Variants in SUPT3H observed in about 807,000 individuals in gnomAD.
SUPT3H encodes transcription initiation protein SPT3 homolog.
A neutral mutation model predicts 44.3 loss-of-function variants in SUPT3H; 44 were observed. The observed-to-expected ratio is 0.99, with a 90% CI of 0.78 to 1.28. SUPT3H has a LOEUF of 1.28. Among genes scored for constraint, SUPT3H ranks in the 50% most tolerant of loss-of-function variants. The probability of loss-of-function intolerance (pLI) is 0.00; values close to 1 mark genes in which losing one functional copy is unlikely to be tolerated. For missense variants in SUPT3H, 380 were observed against 387.1 expected (o/e 0.98, Z 0.15); for synonymous variants, 124 against 125.6 (o/e 0.99, Z 0.09).
intron 3 of SUPT3H, among the ~76,000 whole-genome samples, chr6:45,028,322 A>G (rs149482859): frequency 0.019 from 2,947 of 152,220 alleles, 57 homozygotes; most frequent in South Asian, 0.086. Context: ...CCTTTTACCA[A>G]TCTTCCTGTT....
chr6:45,284,502 G>A (rs1270064879), intron 2 of SUPT3H, among the ~76,000 whole-genome samples: 1 of 152,144 alleles, frequency 6.6e-6, no homozygotes, highest in Non-Finnish European at 1.5e-5. Context: ...AGAAGAAATG[G>A]ATAAATTCCT....
intron 2 of SUPT3H, among the ~76,000 whole-genome samples, chr6:45,239,632 C>T (rs1425443613): frequency 6.6e-6 from 1 of 152,224 alleles, no homozygotes. Context: ...ACATGCCAAT[C>T]AGGAGAGTCT....
At chr6:44,852,973 C>T (rs1773124785) in intron 10 of SUPT3H, among the ~76,000 whole-genome samples, 1 of 148,894 alleles carries the variant, frequency 6.7e-6, no homozygotes, top group Non-Finnish European at 1.5e-5. Context: ...AGTTTTACAT[C>T]TATATCTTTA....
rs115634545 is a variant in SUPT3H, at chr6:44,852,702, C to G, written c.913-22845G>C. 6.5e-3 allele frequency among the ~76,000 whole-genome samples: 992 copies of G among 152,288 alleles called. 12 individuals carry two copies. Among genetic ancestry groups the G allele is most frequent in the African/African-American group, 0.023 (937 of 41,572 alleles). ...CATAGAAGAACAGCTATGGTAAATT[C>G]TCTATATTTTTAACCTTTAAGTGTT... On this transcript the variant is annotated intron_variant, in intron 10 of 10. Transcript: ENST00000371459.
chr6:44,829,953 A>T (rs976649150), intron 10 of SUPT3H, 96 bp from the exon 11 acceptor site: 7 of 1,094,740 alleles, frequency 6.4e-6, no homozygotes, highest in Admixed American at 1.7e-5. Context: ...TGTTTTGTAG[A>T]CTCTGCTGGC....
intron 2 of SUPT3H, among the ~76,000 whole-genome samples, chr6:45,260,020 T>C (rs1774092460): frequency 6.6e-6 from 1 of 152,192 alleles, no homozygotes; most frequent in South Asian, 2.1e-4. Context: ...AACTAATATG[T>C]TATTCCTAAC....
chr6:44,983,697 T>C (rs1287117134), intron 6 of SUPT3H, among the ~76,000 whole-genome samples: 10 of 152,172 alleles, frequency 6.6e-5, no homozygotes, highest in African/African-American at 2.2e-4. Flanking sequence ...GAAACTAATA[T>C]AGTATTTAAA....
At chr6:45,355,454 T>C (rs1792980893) in intron 2 of SUPT3H, among the ~76,000 whole-genome samples, 1 of 152,116 alleles carries the variant, frequency 6.6e-6, no homozygotes, top group African/African-American at 2.4e-5. Context: ...CCAGGGTTTT[T>C]CATTGGGGGT....
At chr6:45,240,638 C>T (rs976328532) in intron 2 of SUPT3H, among the ~76,000 whole-genome samples, 4 of 152,216 alleles carry the variant, frequency 2.6e-5, no homozygotes, top group Non-Finnish European at 5.9e-5. Flanking sequence ...ATTGATTGGT[C>T]CCCTAAGGGG....
rs530537399 is a variant in SUPT3H at position 45,140,585 on chromosome 6, A to C, written c.102-34579T>G. Among the ~76,000 whole-genome samples, 86 of 152,316 alleles carry C rather than the reference A, an allele frequency of 5.6e-4. No homozygotes were observed. The South Asian group carries it at 0.017, about 30-fold the overall frequency. On this transcript the variant is annotated intron_variant, in intron 2 of 10. Transcript: ENST00000371459. The stretch of plus-strand genomic sequence containing the variant: ...ACAGAACAACTTCATTGCTAGCATA[A>C]TCAGCATTCAAAAAAGCCAGTGCAC...
intron 2 of SUPT3H, among the ~76,000 whole-genome samples, chr6:45,230,872 C>T (rs1030287760): frequency 1.3e-5 from 2 of 151,464 alleles, no homozygotes; most frequent in African/African-American, 4.9e-5. Flanking sequence ...AGGGTTTCAC[C>T]ATGTTGGCCA....
chr6:45,375,576 C>T (rs1307065553), intron 1 of SUPT3H, among the ~76,000 whole-genome samples: 2 of 150,154 alleles, frequency 1.3e-5, no homozygotes, highest in Non-Finnish European at 3.0e-5. Context: ...GACAAGGTCT[C>T]CCTCTGCAGC....
At chr6:44,924,393 C>A (rs536023480) in intron 10 of SUPT3H, among the ~76,000 whole-genome samples, 1 of 152,196 alleles carries the variant, frequency 6.6e-6, no homozygotes, top group South Asian at 2.1e-4. Context: ...CCTATACTTA[C>A]TGAGTGAAAT....
At chr6:45,171,684 T>C (rs1304233488) in intron 2 of SUPT3H, among the ~76,000 whole-genome samples, 3 of 150,488 alleles carry the variant, frequency 2.0e-5, no homozygotes, top group African/African-American at 4.9e-5. Flanking sequence ...CATTCCCTTC[T>C]GGTAAGGCAT....
chr6:45,313,904 G>C (rs1302287626), intron 2 of SUPT3H, among the ~76,000 whole-genome samples: 1 of 152,096 alleles, frequency 6.6e-6, no homozygotes, highest in African/African-American at 2.4e-5. Context: ...CAAAATACTA[G>C]CTAACCAAAT....
chr6:44,962,581 A>AT (rs11372728), intron 6 of SUPT3H, among the ~76,000 whole-genome samples: 146,797 of 150,080 alleles, frequency 0.98, 71,803 homozygotes, highest in East Asian at 1. Context: ...CTGAGATTTA[A>AT]TTTTTTTTTT....
At chr6:44,906,710 C>T (rs1366025545) in intron 10 of SUPT3H, among the ~76,000 whole-genome samples, 1 of 152,036 alleles carries the variant, frequency 6.6e-6, no homozygotes, top group East Asian at 1.9e-4. Context: ...TGCAGTGAGC[C>T]GAGACTGCGC....
At chr6:45,287,506 G>T (rs942653764) in intron 2 of SUPT3H, among the ~76,000 whole-genome samples, 1 of 152,088 alleles carries the variant, frequency 6.6e-6, no homozygotes, top group Non-Finnish European at 1.5e-5. Flanking sequence ...GTCACCAAAG[G>T]ATGAATATTG....
chr6:45,053,274 C>T (rs1002980722), intron 3 of SUPT3H, among the ~76,000 whole-genome samples: 2 of 151,250 alleles, frequency 1.3e-5, no homozygotes, highest in Non-Finnish European at 2.9e-5. Flanking sequence ...TGGTCTCCAA[C>T]TCCCAGCCTC....
Sources: allele counts gnomAD v4.1 joint callset (sites outside exome capture counted in the v4.1 genomes callset), GRCh38; gene constraint gnomAD v4.1.1; transcripts MANE v1.5; gene names NCBI Gene and HGNC (gene_info 2026-07-23, HGNC 2026-07-21).